SPOCD1: variants seen among roughly 807,000 people sequenced by gnomAD.
SPOCD1 encodes the protein SPOC domain-containing protein 1.
In SPOCD1, 64 loss-of-function variants were observed where a neutral mutation model predicts 92.2. The observed-to-expected ratio is 0.69, with a 90% confidence interval of 0.57 to 0.86. SPOCD1 has a LOEUF of 0.86. Among genes scored for constraint, SPOCD1 ranks in the 40% least tolerant of loss-of-function variants. The pLI, the probability that SPOCD1 is intolerant of heterozygous loss-of-function variation, is 0.00. For synonymous variants in SPOCD1, 578 were observed against 619.3 expected, an observed-to-expected ratio of 0.93 and a Z score of 0.99; for missense variants, 1,360 against 1,543.1, an observed-to-expected ratio of 0.88 and a Z score of 1.99.
intron 9 of SPOCD1, among the ~76,000 whole-genome samples, chr1:31,797,871 G>A (rs534781798): frequency 1.3e-5 from 2 of 152,180 alleles, no homozygotes; most frequent in South Asian, 4.1e-4. Flanking sequence ...TCTGAAGCTG[G>A]GATCGGAAAA....
intron 2 of SPOCD1, among the ~76,000 whole-genome samples, chr1:31,809,733 G>A (rs1438035606): frequency 1.3e-5 from 2 of 152,152 alleles, no homozygotes; most frequent in Non-Finnish European, 2.9e-5. Flanking sequence ...TTGGGGCAAC[G>A]ATCATTATCA....
Position 31,792,718 on chromosome 1 carries a change from A to C in SPOCD1, c.2735T>G (p.Val912Gly), listed in dbSNP as rs968601321. 16 of 1,608,226 alleles carry C rather than the reference A, an allele frequency of 9.9e-6. No homozygotes were observed. Among genetic ancestry groups the C allele is most frequent in the Non-Finnish European group, 1.4e-5 (16 of 1,177,894 alleles). Residue 912 changes from valine to glycine, a missense_variant, in exon 14 of 16, where the codon GTC becomes GGC. Transcript: ENST00000360482. ...RSAGCIPSNI[V>G]WDLLASICPA... Reference sequence around the variant, plus strand: ...GCAGATGCTGGCCAGAAGGTCCCAGACAATGTTGGAGGGGATGCAGCCTGC... The same window carrying C: ...GCAGATGCTGGCCAGAAGGTCCCAGCCAATGTTGGAGGGGATGCAGCCTGC...
In SPOCD1 at chr1:31,792,286, A is replaced by G; in HGVS notation, c.2891T>C (p.Met964Thr). 1 of 1,613,680 alleles carries G rather than the reference A, an allele frequency of 6.2e-7. No homozygotes were observed. The highest frequency in any genetic ancestry group is 8.5e-7 in the Non-Finnish European group (1 of 1,179,888). Residue 964 changes from methionine (M) to threonine (T), a missense_variant, in exon 15 of 16, where the codon ATG becomes ACG. By Grantham distance (81) the Met-to-Thr change is moderately conservative (BLOSUM62 -1). Transcript: ENST00000360482. Reference protein sequence around the residue: ...QRHGLASVEHMGMVLLPLPAF... With the variant: ...QRHGLASVEHTGMVLLPLPAF... The stretch of plus-strand genomic sequence containing the variant: ...AGGCAGGGGCAGCAGGACCATCCCC[A>G]TGTGCTCCACAGAGGCCAGCCCGTG...
chr1:31,811,780 T>C (rs1649216857), intron 2 of SPOCD1, among the ~76,000 whole-genome samples: 1 of 152,160 alleles, frequency 6.6e-6, no homozygotes, highest in Non-Finnish European at 1.5e-5. Context: ...CTGGTACTGG[T>C]TGTCATGGCA....
At chr1:31,792,982 C>T (rs945283616) in intron 13 of SPOCD1, among the ~76,000 whole-genome samples, 1 of 152,228 alleles carries the variant, frequency 6.6e-6, no homozygotes, top group Non-Finnish European at 1.5e-5. Flanking sequence ...CTCCCTCCCT[C>T]CTCTATCCTC....
In SPOCD1 at chr1:31,815,035, A is replaced by T. The variant is rs752297821; in HGVS notation, c.299T>A (p.Leu100His). ...QSRGSMLAPG[L>H]HMQLPSVPTQ... Reference sequence around the variant, plus strand: ...AGGCACCGAGGGCAGCTGCATGTGGAGCCCAGGAGCCAGCATCGAGCCCCG... The same window carrying T: ...AGGCACCGAGGGCAGCTGCATGTGGTGCCCAGGAGCCAGCATCGAGCCCCG... Residue 100 changes from leucine (L) to histidine (H), a missense_variant, in exon 2 of 16, where the codon CTC becomes CAC. Around this residue, in one of 3 missense-constraint regions of SPOCD1, gnomAD observed 140 missense variants for 183.8 expected, o/e 0.76. Transcript: ENST00000360482. The T allele has an allele frequency of 1.9e-6, 3 of 1,613,766 alleles. 1 individual carries two copies. In the South Asian group the frequency reaches 3.3e-5, roughly 18 times the overall value.
At chr1:31,801,547 G>C (rs570825653) in intron 3 of SPOCD1, 117 bp downstream of exon 3, 8 of 867,098 alleles carry the variant, frequency 9.2e-6, no homozygotes, top group Admixed American at 2.0e-5. Flanking sequence ...GGATCCACTG[G>C]GGGAGGGCAG....
rs1207903780 is a variant in SPOCD1 at position 31,814,961 on chromosome 1, C to A, written c.373G>T (p.Asp125Tyr). The change falls in exon 2 of 16, where the codon GAC becomes TAC. Residue 125 changes from aspartate to tyrosine, a missense_variant. Around this residue, in one of 3 missense-constraint regions of SPOCD1, gnomAD observed 140 missense variants for 183.8 expected, o/e 0.76. Transcript: ENST00000360482. The surrounding 1 kb of genome is among the most constrained non-coding windows in gnomAD (Gnocchi z 4.2). ...TSKRLQVSLC[D>Y]ILDDSCPRKL... ...CTGGGGCAACTGTCATCTAAGATGT[C>A]ACACAGAGAAACCTGGAGCCTCTTG... 2 of 1,613,878 alleles carry A rather than the reference C, an allele frequency of 1.2e-6. No homozygotes were observed. The highest frequency in any genetic ancestry group is 2.7e-5 in the African/African-American group (2 of 74,928).
chr1:31,796,066 TC>T, intron 10 of SPOCD1: 14 of 206,800 alleles, frequency 6.8e-5, no homozygotes, highest in South Asian at 4.0e-4. Flanking sequence ...ATGGAGCAGA[TC>T]CTCAGCGCCA....
chr1:31,790,736 C>T lies in SPOCD1; in HGVS notation c.3518G>A (p.Ser1173Asn), dbSNP rs758907908. 9 of 1,552,000 alleles carry T rather than the reference C, an allele frequency of 5.8e-6. No homozygotes were observed. Among genetic ancestry groups the T allele is most frequent in the African/African-American group, 1.4e-5 (1 of 73,212 alleles). The change falls in exon 16 of 16, where the codon AGC (serine) becomes AAC (asparagine). Residue 1173 changes from serine (S) to asparagine (N), a missense_variant. By Grantham distance (46) the Ser-to-Asn change is conservative (BLOSUM62 1). This residue lies in a region of SPOCD1 where 614 missense variants were observed against 757.8 expected (regional missense o/e 0.81). Transcript: ENST00000360482. Reference protein sequence around the residue: ...LQALLCPQTKSSIPRPLQRLS... With the variant: ...LQALLCPQTKNSIPRPLQRLS... The stretch of plus-strand genomic sequence containing the variant: ...ACGCTGCAGAGGGCGGGGGATGGAG[C>T]TCTTGGTCTGGGGGCACAGTAAGGC...
Position 31,790,900 on chromosome 1 carries a change from G to C in SPOCD1, c.3354C>G (p.Arg1118=). 1 of 1,583,420 alleles carries C rather than the reference G, an allele frequency of 6.3e-7. No homozygotes were observed. Among genetic ancestry groups the C allele is most frequent in the South Asian group, 1.2e-5 (1 of 86,000 alleles). ...CTACTGAATAGGGATGCTGGGACTG[G>C]CGCAAGCCTGGCTCTGGGGGCCACT... ...RGQWPPEPGL[R]QSQHPYSVAP... Residue 1118 remains arginine, a synonymous_variant, in exon 16 of 16, where the codon CGC becomes CGG. Transcript: ENST00000360482.
Position 31,814,586 on chromosome 1 carries a change from C to T in SPOCD1, c.748G>A (p.Glu250Lys). Residue 250 changes from glutamate to lysine, a missense_variant, in exon 2 of 16, where the codon GAG (glutamate) becomes AAG (lysine). Around this residue, in one of 3 missense-constraint regions of SPOCD1, gnomAD observed 606 missense variants for 601.5 expected, o/e 1.01. Transcript: ENST00000360482. The surrounding 1 kb of genome is among the most constrained non-coding windows in gnomAD (Gnocchi z 4.2). The part of the protein sequence containing the change: ...VGDPPQVADL[E>K]SLGGPCRPPS... ...GGTCTGCAAGGGCCTCCCAAGGACT[C>T]CAGGTCAGCAACTTGGGGAGGGTCT... 6.5e-7 allele frequency: 1 copy of T among 1,529,808 alleles called. No individual in the cohort carries two copies. Among genetic ancestry groups the T allele is most frequent in the Non-Finnish European group, 8.8e-7 (1 of 1,138,762 alleles). 94.8% of individuals were successfully genotyped at this position (1,529,808 alleles called of 1,614,324 possible).
intron 10 of SPOCD1, 191 bp from the exon 11 acceptor site, chr1:31,794,426 T>C (rs969998769): frequency 8.2e-6 from 4 of 488,238 alleles, no homozygotes; most frequent in Middle Eastern, 5.3e-4. Flanking sequence ...GAAAATCACT[T>C]CTTGTCACAC....
rs1344448210 is a variant in SPOCD1, at chr1:31,793,440, G to A, written c.2535-12C>T. 3 of 1,581,584 alleles carry A rather than the reference G, an allele frequency of 1.9e-6. No individual in the cohort carries two copies. The highest frequency in any genetic ancestry group is 1.2e-5 in the South Asian group (1 of 86,578). ...CAGATGGAGGGACCCTAGAGGGAGGGACAGAAGACAGGGCCAGACAGAGCA... is the reference window on the plus strand; with the variant it reads ...CAGATGGAGGGACCCTAGAGGGAGGAACAGAAGACAGGGCCAGACAGAGCA... On this transcript the variant is annotated splice_polypyrimidine_tract_variant and intron_variant, in intron 12 of 15. Coordinates refer to ENST00000360482, the MANE Select transcript of SPOCD1 (RefSeq NM_144569.7).
intron 7 of SPOCD1, 34 bp downstream of exon 7, chr1:31,799,367 T>G: frequency 6.4e-7 from 1 of 1,574,312 alleles, no homozygotes; most frequent in Non-Finnish European, 8.7e-7. Context: ...GGGCGGCCCT[T>G]GGGATGTCAG....
intron 2 of SPOCD1, among the ~76,000 whole-genome samples, chr1:31,808,148 T>C (rs1648962225): frequency 6.6e-6 from 1 of 152,134 alleles, no homozygotes. Context: ...TCTATGAAGC[T>C]AGCAAAACCC....
At position 31,814,289 on chromosome 1, in the gene SPOCD1, T is replaced by G. The variant is rs112752591; in HGVS notation, c.1045A>C (p.Thr349Pro). The G allele has an allele frequency of 5.1e-6, 8 of 1,579,212 alleles. No homozygotes were observed. Among genetic ancestry groups the G allele is most frequent in the Non-Finnish European group, 6.9e-6 (8 of 1,159,470 alleles). ...EQQEAVCVVR[T>P]GSDEGQAPAQ... ...GGAGCCTGGCCTTCATCGCTGCCAG[T>G]CCGCACGACACACACAGCTTCTTGC... The change falls in exon 2 of 16, where the codon ACT (threonine) becomes CCT (proline). Residue 349 changes from threonine to proline, a missense_variant. Coordinates refer to ENST00000360482, the MANE Select transcript of SPOCD1 (RefSeq NM_144569.7). The surrounding 1 kb of genome is among the most constrained non-coding windows in gnomAD (Gnocchi z 4.2).
In SPOCD1 at chr1:31,798,252, CAGCTGCATCG is replaced by C. The variant is rs757412948; in HGVS notation, c.2090_2099del (p.Ser697TrpfsTer18). On this transcript the variant is annotated frameshift_variant, in exon 9 of 16. Transcript: ENST00000360482. LOFTEE classifies it high-confidence loss of function. This position sits in a 1 kb window ranked among gnomAD's most constrained non-coding sequence, Gnocchi z 4.1. ...GCCAGCGGGCCAGCTCCTGGGGGGC[CAGCTGCATCG>C]AGCTCATCCGCACCAGGTCGTAGGG... is the stretch of plus-strand genomic sequence containing the variant. The C allele has an allele frequency of 3.5e-4, 571 of 1,614,142 alleles. No homozygotes were observed. Among genetic ancestry groups the C allele is most frequent in the Non-Finnish European group, 4.5e-4 (531 of 1,180,030 alleles).
chr1:31,792,174 G>C (rs769179156), intron 15 of SPOCD1, 41 bp downstream of exon 15: 2 of 1,561,248 alleles, frequency 1.3e-6, no homozygotes, highest in Admixed American at 3.8e-5. Flanking sequence ...TGGTCACCAA[G>C]TGAGCAGAGG....
Sources: allele counts gnomAD v4.1 joint callset (sites outside exome capture counted in the v4.1 genomes callset), GRCh38; gene constraint gnomAD v4.1.1; regional missense constraint gnomAD v4.1.1; non-coding constraint Gnocchi (gnomAD v3.1); transcripts MANE v1.5; gene names NCBI Gene and HGNC (gene_info 2026-07-23, HGNC 2026-07-21).